The following EHMT1 variants were observed in gnomAD, a reference collection of about 807,000 sequenced individuals.
EHMT1 encodes the protein euchromatic histone lysine methyltransferase 1.
A neutral mutation model predicts 147.2 loss-of-function variants in EHMT1; 15 were observed. That is an observed-to-expected ratio of 0.10 (90% CI 0.07 to 0.16). EHMT1 has a LOEUF of 0.16. Ranked by LOEUF, EHMT1 falls within the 10% of genes least tolerant of loss-of-function variation. EHMT1 has a pLI of 1.00. For missense variants in EHMT1, 1,587 were observed against 1,772.4 expected (o/e 0.90, Z 1.88); for synonymous variants, 795 against 709.6 (o/e 1.12, Z -1.91).
chr9:137,800,678 T>G, intron 17 of EHMT1: 2 of 601,304 alleles, frequency 3.3e-6, no homozygotes, highest in Non-Finnish European at 6.0e-6. Context: ...GGTTCTGCCT[T>G]CATCCTGCGC....
chr9:137,834,909 G>T lies in EHMT1; in HGVS notation c.3853G>T (p.Gly1285Cys). Reference sequence around the variant, plus strand: ...CGCGGCCCAGGAGGCCCAGGAGGACGGCTTGCCCGACACCAGCTCCGCGGC... The same window carrying T: ...CGCGGCCCAGGAGGCCCAGGAGGACTGCTTGCCCGACACCAGCTCCGCGGC... Reference protein sequence around the residue: ...ASAAQEAQEDGLPDTSSAAAA... With the variant: ...ASAAQEAQEDCLPDTSSAAAA... The change falls in exon 27 of 27, where the codon GGC (glycine) becomes TGC (cysteine). Residue 1285 changes from glycine to cysteine, a missense_variant. Physicochemically the swap from Gly to Cys is radical, Grantham distance 159. Transcript: ENST00000460843. 1 of 1,592,622 alleles carries T rather than the reference G, an allele frequency of 6.3e-7. No homozygotes were observed. The highest frequency in any genetic ancestry group is 8.5e-7 in the Non-Finnish European group (1 of 1,171,238).
At position 137,815,741 on chromosome 9, in the gene EHMT1, C is replaced by T. The variant is rs2137792758; in HGVS notation, c.3259-206C>T. 8.1e-6 allele frequency: 5 copies of T among 620,256 alleles called. No individual in the cohort carries two copies. In the East Asian group the frequency reaches 1.5e-4, roughly 18 times the overall value. 38.4% of individuals were successfully genotyped at this position (620,256 alleles called of 1,614,324 possible). Reference sequence around the variant, plus strand: ...AGGGGAGCGCTCCAGGGGGTCTCCACAACCTGTGTGGGCATCTGGGTGGAG... The same window carrying T: ...AGGGGAGCGCTCCAGGGGGTCTCCATAACCTGTGTGGGCATCTGGGTGGAG... On this transcript the variant is annotated intron_variant, in intron 22 of 26. Transcript: ENST00000460843.
chr9:137,805,123 G>C (rs1405494584), intron 18 of EHMT1, among the ~76,000 whole-genome samples: 1 of 151,502 alleles, frequency 6.6e-6, no homozygotes, highest in Non-Finnish European at 1.5e-5. Flanking sequence ...ATCTGCATGT[G>C]TGTGTCTCTC....
In EHMT1 at chr9:137,711,030, G is replaced by T; in HGVS notation, c.85G>T (p.Glu29Ter). 1 of 1,588,946 alleles carries T rather than the reference G, an allele frequency of 6.3e-7. No individual in the cohort carries two copies. Residue 29 changes from glutamate to a stop codon, truncating the protein, a stop_gained and splice_region_variant, in exon 2 of 27, where the codon GAG becomes TAG. Coordinates refer to ENST00000460843, the MANE Select transcript of EHMT1 (RefSeq NM_024757.5). LOFTEE classifies it high-confidence loss of function. ...CCVKTELLGEETPMAADEGSA... is the reference protein window; with the variant it reads ...CCVKTELLGE ...TGTGAAAACCGAGCTGCTGGGAGAA[G>T]GTGAGGGCGGTGTGCACCGAGGGAC...
At chr9:137,773,409 G>A (rs551070450) in intron 10 of EHMT1, among the ~76,000 whole-genome samples, 3 of 152,112 alleles carry the variant, frequency 2.0e-5, no homozygotes, top group Admixed American at 1.3e-4. Context: ...GGCCCAGACT[G>A]TCTTTTAAAA....
rs544716438 is a variant in EHMT1, at chr9:137,741,350, CAGCAAACTGTTTCCAGGGGACAGGT to C, written c.824-1988_824-1964del. Among the ~76,000 whole-genome samples the C allele has an allele frequency of 7.8e-3, 1,183 of 151,990 alleles. 8 individuals are homozygous for C. The highest frequency in any genetic ancestry group is 0.012 in the Non-Finnish European group (844 of 67,910). ...TCACTCAGCCATTCATTACAGGAGT[CAGCAAACTGTTTCCAGGGGACAGGT>C]AGCAAACTGTTTCCAGGGGACAGGT... is the stretch of plus-strand genomic sequence containing the variant. On this transcript the variant is annotated intron_variant, in intron 4 of 26. Coordinates refer to ENST00000460843, the MANE Select transcript of EHMT1 (RefSeq NM_024757.5).
chr9:137,781,279 T>C lies in EHMT1; in HGVS notation c.2276-1012T>C, dbSNP rs144255845. ...GTGACGACGCTGGGACGTGTGGTGA[T>C]GACGCTGAGATGTGTGGTGATGACG... On this transcript the variant is annotated intron_variant, in intron 14 of 26. Transcript: ENST00000460843. Among the ~76,000 whole-genome samples, 456 of 48,742 alleles carry C rather than the reference T, an allele frequency of 9.4e-3. 23 individuals carry two copies. The highest frequency in any genetic ancestry group is 0.023 in the African/African-American group (241 of 10,666). 32.0% of individuals were successfully genotyped at this position (48,742 alleles called of 152,430 possible). A position where few individuals can be genotyped will look rare whatever the true frequency, so the allele number is the denominator to read the frequency against.
intron 1 of EHMT1, among the ~76,000 whole-genome samples, chr9:137,705,800 G>A (rs2135276884): frequency 6.6e-6 from 1 of 152,308 alleles, no homozygotes; most frequent in East Asian, 1.9e-4. Context: ...GGCCCTAGAG[G>A]GCTGTGGCAG....
intron 18 of EHMT1, among the ~76,000 whole-genome samples, chr9:137,801,216 C>T (rs1040795246): frequency 5.9e-5 from 9 of 152,214 alleles, no homozygotes; most frequent in Admixed American, 5.9e-4. Flanking sequence ...TCAGAGGGCG[C>T]TGCACTGCCC....
At chr9:137,754,370 G>A in intron 8 of EHMT1, 79 bp downstream of exon 8, 3 of 1,585,250 alleles carry the variant, frequency 1.9e-6, no homozygotes, top group Non-Finnish European at 2.6e-6. Context: ...TGGGGTTGGG[G>A]TGCGTAGGAT....
intron 1 of EHMT1, among the ~76,000 whole-genome samples, chr9:137,641,729 C>T (rs886458394): frequency 3.9e-5 from 6 of 152,174 alleles, no homozygotes; most frequent in Admixed American, 3.9e-4. Context: ...TCCTTTCAGG[C>T]AGGGGCAGAG....
chr9:137,801,904 G>A (rs570691001), intron 18 of EHMT1, among the ~76,000 whole-genome samples: 56 of 152,302 alleles, frequency 3.7e-4, no homozygotes, highest in Non-Finnish European at 6.6e-4. Flanking sequence ...AAGGATTACA[G>A]GCATGAGCCA....
At chr9:137,743,121 C>T (rs1232558972) in intron 4 of EHMT1, 2 of 475,062 alleles carry the variant, frequency 4.2e-6, no homozygotes, top group South Asian at 4.2e-5. Context: ...AATGTTTGCT[C>T]CGTGTTTTGT....
intron 1 of EHMT1, among the ~76,000 whole-genome samples, chr9:137,661,216 AT>A (rs1318824815): frequency 6.6e-6 from 1 of 152,112 alleles, no homozygotes; most frequent in African/African-American, 2.4e-5. Context: ...ATTTTACCAC[AT>A]TTGCTTTATC....
chr9:137,759,257 G>A lies in EHMT1; in HGVS notation c.1501+1246G>A, dbSNP rs931148158. Among the ~76,000 whole-genome samples, 26 of 152,302 alleles carry A rather than the reference G, an allele frequency of 1.7e-4. 1 individual carries two copies. The highest frequency in any genetic ancestry group is 5.3e-4 in the African/African-American group (22 of 41,572). ...GGAGCAGAACCCCCTCAAGCATCAC[G>A]AAGTCCTTCGCATGGTCACCCCATG... On this transcript the variant is annotated intron_variant, in intron 9 of 26. Transcript: ENST00000460843.
chr9:137,743,808 C>A, intron 5 of EHMT1, 94 bp from the exon 6 acceptor site: 4 of 1,445,072 alleles, frequency 2.8e-6, no homozygotes, highest in Non-Finnish European at 3.7e-6. Context: ...CAGGCCCTTG[C>A]ACCTCCCAGT....
At position 137,782,595 on chromosome 9, in the gene EHMT1, G is replaced by A. The variant is rs150649360; in HGVS notation, c.2382+198G>A. 8.4e-4 allele frequency among the ~76,000 whole-genome samples: 128 copies of A among 152,200 alleles called. No homozygotes were observed. Among genetic ancestry groups the A allele is most frequent in the Middle Eastern group, 3.4e-3 (1 of 294 alleles). On this transcript the variant is annotated intron_variant, in intron 15 of 26. Transcript: ENST00000460843. The surrounding 1 kb of genome is among the most constrained non-coding windows in gnomAD (Gnocchi z 5.7). ...CGCTGTTTCTTCCGGCATTTACCACGGCCTTTGAGAAGAGCATGCCGCCAT... is the reference window on the plus strand; with the variant it reads ...CGCTGTTTCTTCCGGCATTTACCACAGCCTTTGAGAAGAGCATGCCGCCAT...
intron 1 of EHMT1, among the ~76,000 whole-genome samples, chr9:137,709,012 A>G (rs1305833429): frequency 1.3e-5 from 2 of 152,184 alleles, no homozygotes; most frequent in African/African-American, 4.8e-5. Flanking sequence ...GGGCACTCTC[A>G]GGCGAGCCCC....
intron 1 of EHMT1, among the ~76,000 whole-genome samples, chr9:137,692,178 AACGTTT>A (rs1258906742): frequency 6.6e-6 from 1 of 152,130 alleles, no homozygotes; most frequent in Non-Finnish European, 1.5e-5. Context: ...GCTGATGAAG[AACGTTT>A]ACGTGCACCT....
Sources: gnomAD v4.1 joint callset for allele counts (sites outside exome capture counted in the v4.1 genomes callset) on GRCh38, gnomAD v4.1.1 for gene constraint, Gnocchi (gnomAD v3.1) non-coding constraint, MANE v1.5 for transcripts, NCBI Gene and HGNC (gene_info 2026-07-23, HGNC 2026-07-21) for gene names.